EBF1: variants seen among roughly 807,000 people sequenced by gnomAD.
The protein encoded by EBF1 is transcription factor COE1.
In EBF1, 10 loss-of-function variants were observed where a neutral mutation model predicts 68.4. That is an observed-to-expected ratio of 0.15 (90% confidence interval 0.09 to 0.25). The LOEUF (loss-of-function observed/expected upper bound fraction) is 0.25, where lower values mean the gene tolerates loss of function less well. Among genes scored for constraint, EBF1 ranks in the 10% least tolerant of loss-of-function variants. EBF1 has a pLI of 1.00. For missense variants in EBF1, 509 were observed against 794.4 expected (o/e 0.64, Z 4.32); for synonymous variants, 298 against 299.8 (o/e 0.99, Z 0.06).
At chr5:159,052,929 A>T (rs530865405) in intron 6 of EBF1, among the ~76,000 whole-genome samples, 1 of 152,370 alleles carries the variant, frequency 6.6e-6, no homozygotes, top group South Asian at 2.1e-4. Flanking sequence ...ATGCAGGGCC[A>T]TGTGGCCTTT....
At chr5:158,822,060 A>G (rs529320682) in intron 8 of EBF1, among the ~76,000 whole-genome samples, 7 of 152,300 alleles carry the variant, frequency 4.6e-5, no homozygotes, top group African/African-American at 1.7e-4. Context: ...CTTGTAAATT[A>G]TGGGCAACTC....
intron 6 of EBF1, among the ~76,000 whole-genome samples, chr5:158,919,802 G>A (rs775131625): frequency 2.0e-5 from 3 of 151,976 alleles, no homozygotes; most frequent in East Asian, 1.9e-4. Flanking sequence ...AAAACACGAC[G>A]GTACATATTA....
At chr5:159,037,706 AGAT>A (rs1414511688) in intron 6 of EBF1, among the ~76,000 whole-genome samples, 1 of 146,468 alleles carries the variant, frequency 6.8e-6, no homozygotes, top group African/African-American at 2.5e-5. Context: ...ACCTAATGCT[AGAT>A]GACGAGTTAG....
At chr5:158,936,724 G>A (rs1812095778) in intron 6 of EBF1, among the ~76,000 whole-genome samples, 1 of 152,174 alleles carries the variant, frequency 6.6e-6, no homozygotes, top group Non-Finnish European at 1.5e-5. Context: ...CTCTGGATGG[G>A]AAACTCCTTG....
intron 6 of EBF1, among the ~76,000 whole-genome samples, chr5:158,916,896 T>TAA (rs1163499198): frequency 6.6e-6 from 1 of 152,218 alleles, no homozygotes; most frequent in African/African-American, 2.4e-5. Flanking sequence ...AAGCAGGTCA[T>TAA]AAACATTGTC....
intron 8 of EBF1, among the ~76,000 whole-genome samples, chr5:158,817,445 G>C (rs78489999): frequency 0.023 from 3,447 of 152,180 alleles, 144 homozygotes; most frequent in African/African-American, 0.079. Flanking sequence ...AGTTATAAAA[G>C]TGAGCTCTCT....
rs532483196 is a variant in EBF1 at position 159,046,145 on chromosome 5, C to T, written c.554+27251G>A. On this transcript the variant is annotated intron_variant, in intron 6 of 15. Coordinates refer to ENST00000313708, the MANE Select transcript of EBF1 (RefSeq NM_024007.5). ...CTTCTCTCTAGCTTTCCATGACCCC[C>T]ACACAGAATTAATCAATTCCGATAC... Among the ~76,000 whole-genome samples, 7 of 152,324 alleles carry T rather than the reference C, an allele frequency of 4.6e-5. No homozygotes were observed. In the South Asian group the frequency reaches 1.5e-3, roughly 32 times the overall value.
intron 6 of EBF1, among the ~76,000 whole-genome samples, chr5:158,908,897 C>T (rs1490236692): frequency 1.3e-5 from 2 of 152,128 alleles, no homozygotes; most frequent in East Asian, 1.9e-4. Flanking sequence ...CCTGTCCAGC[C>T]GGGCTGTGGT....
Position 159,079,664 on chromosome 5 carries a change from T to C in EBF1, c.485+5002A>G, listed in dbSNP as rs188942987. On this transcript the variant is annotated intron_variant, in intron 5 of 15. Transcript: ENST00000313708. ...TCTCGCTCTGTCACCCAGGCTGGAG[T>C]GCAGTGGCGCAATCTCTGCTCACTG... Among the ~76,000 whole-genome samples, 169 of 144,830 alleles carry C rather than the reference T, an allele frequency of 1.2e-3. 1 individual carries two copies. Among genetic ancestry groups the C allele is most frequent in the African/African-American group, 4.1e-3 (159 of 38,660 alleles).
chr5:159,062,690 A>G (rs951168034), intron 6 of EBF1, among the ~76,000 whole-genome samples: 1 of 152,236 alleles, frequency 6.6e-6, no homozygotes, highest in Non-Finnish European at 1.5e-5. Context: ...CCCTGCAAAA[A>G]TCAAGCCTTC....
intron 8 of EBF1, among the ~76,000 whole-genome samples, chr5:158,815,825 C>A (rs534715677): frequency 1.3e-5 from 2 of 152,324 alleles, no homozygotes; most frequent in South Asian, 4.1e-4. Context: ...TGTGCATTAT[C>A]TTGACCACTT....
intron 10 of EBF1, among the ~76,000 whole-genome samples, chr5:158,775,227 TA>T (rs557515286): frequency 2.0e-5 from 3 of 152,152 alleles, no homozygotes; most frequent in Admixed American, 6.5e-5. Context: ...TTTTAGTGTT[TA>T]AAAAAACTCC....
At chr5:158,785,193 A>G (rs1243260663) in intron 9 of EBF1, among the ~76,000 whole-genome samples, 1 of 152,196 alleles carries the variant, frequency 6.6e-6, no homozygotes, top group African/African-American at 2.4e-5. Context: ...CTCTAGAACC[A>G]AATCAAACTA....
chr5:159,060,973 TAC>T (rs1484675890), intron 6 of EBF1, among the ~76,000 whole-genome samples: 1 of 116,024 alleles, frequency 8.6e-6, no homozygotes, highest in African/African-American at 3.4e-5. Context: ...CACACACACA[TAC>T]CCCTCAGCCA....
intron 8 of EBF1, among the ~76,000 whole-genome samples, chr5:158,819,655 T>A (rs1237785675): frequency 2.0e-5 from 3 of 152,176 alleles, no homozygotes; most frequent in African/African-American, 7.2e-5. Context: ...TGGCAGCCAC[T>A]CAGCTCCTTT....
chr5:158,956,494 C>G (rs1438898107), intron 6 of EBF1, among the ~76,000 whole-genome samples: 3 of 151,948 alleles, frequency 2.0e-5, no homozygotes, highest in African/African-American at 7.3e-5. Flanking sequence ...CACACACACG[C>G]ACGCACACTT....
chr5:158,823,992 T>C (rs1421924265), intron 7 of EBF1, among the ~76,000 whole-genome samples: 1 of 151,324 alleles, frequency 6.6e-6, no homozygotes, highest in African/African-American at 2.4e-5. Flanking sequence ...TGAAACCATC[T>C]CATAAAGTGA....
intron 10 of EBF1, among the ~76,000 whole-genome samples, chr5:158,765,518 C>G (rs368216693): frequency 1.3e-5 from 2 of 152,116 alleles, no homozygotes; most frequent in Non-Finnish European, 2.9e-5. Context: ...AGCTAACCAC[C>G]GAGGCTGATC....
chr5:158,954,549 A>G (rs1429799201), intron 6 of EBF1, among the ~76,000 whole-genome samples: 1 of 152,222 alleles, frequency 6.6e-6, no homozygotes, highest in African/African-American at 2.4e-5. Flanking sequence ...AGGGTTTGGT[A>G]TTGGTTACTT....
Sources: allele counts gnomAD v4.1 joint callset (sites outside exome capture counted in the v4.1 genomes callset), GRCh38; gene constraint gnomAD v4.1.1; transcripts MANE v1.5; gene names NCBI Gene and HGNC (gene_info 2026-07-23, HGNC 2026-07-21).